The following UBR1 variants were observed in gnomAD, a reference collection of about 807,000 sequenced individuals.
The protein encoded by UBR1 is E3 ubiquitin-protein ligase UBR1.
A neutral mutation model predicts 242.1 loss-of-function variants in UBR1; 102 were observed. The observed-to-expected ratio is 0.42, with a 90% CI of 0.36 to 0.50. UBR1 has a LOEUF of 0.50. UBR1 is among the 20% of genes least tolerant of loss of function. UBR1 has a pLI of 0.01. For missense variants in UBR1, 1,772 were observed against 2,101.8 expected (o/e 0.84, Z 3.07); for synonymous variants, 675 against 684.8 (o/e 0.99, Z 0.22).
chr15:43,093,503 A>G (rs1596141589), intron 1 of UBR1, among the ~76,000 whole-genome samples: 1 of 152,194 alleles, frequency 6.6e-6, no homozygotes, highest in Admixed American at 6.5e-5. Context: ...TACAGCAACC[A>G]GGCACAATGG....
At chr15:43,077,138 CGTCT>C (rs2033915391) in intron 3 of UBR1, among the ~76,000 whole-genome samples, 1 of 140,654 alleles carries the variant, frequency 7.1e-6, no homozygotes, top group South Asian at 2.5e-4. Flanking sequence ...GCCACGACCC[CGTCT>C]GGGAGGTGTG....
At chr15:43,062,954 T>C (rs2033706540) in intron 6 of UBR1, among the ~76,000 whole-genome samples, 1 of 152,152 alleles carries the variant, frequency 6.6e-6, no homozygotes, top group Non-Finnish European at 1.5e-5. Context: ...TTTATCCTCA[T>C]ACTATAGCTG....
Position 43,047,226 on chromosome 15 carries a change from C to T in UBR1, c.1603G>A (p.Ala535Thr). ...TTCAATTGCATCTGTATAGCAATGG[C>T]AGCCTCCCAATCAGGATCCACTTCA... ...HIEVDPDWEA[A>T]IAIQMQLKNI... is the part of the protein sequence containing the mutation. Residue 535 changes from alanine (A) to threonine (T), a missense_variant, in exon 14 of 47, where the codon GCC becomes ACC. Physicochemically the swap from Ala to Thr is moderately conservative, Grantham distance 58 (BLOSUM62 0). This residue lies in a region of UBR1 where 734 missense variants were observed against 893.3 expected (regional missense o/e 0.82). Coordinates refer to ENST00000290650, the MANE Select transcript of UBR1 (RefSeq NM_174916.3). The T allele has an allele frequency of 6.2e-7, 1 of 1,614,164 alleles. No homozygotes were observed. The highest frequency in any genetic ancestry group is 8.5e-7 in the Non-Finnish European group (1 of 1,180,018).
chr15:43,044,826 C>A (rs147293088), intron 14 of UBR1, among the ~76,000 whole-genome samples: 1 of 151,996 alleles, frequency 6.6e-6, no homozygotes, highest in Non-Finnish European at 1.5e-5. Flanking sequence ...ACCCAGGAGG[C>A]GGAGGTTGCA....
rs79203884 is a variant in UBR1, at chr15:43,013,636, C to T, written c.3209+2052G>A. Among the ~76,000 whole-genome samples the T allele has an allele frequency of 5.8e-3, 889 of 152,174 alleles. 10 individuals carry two copies. The highest frequency in any genetic ancestry group is 0.02 in the African/African-American group (844 of 41,486). ...AAAAGTGCTAATGCACACAAAATAA[C>T]GGGTTGGTTATCTTTTTGTGCATAA... On this transcript the variant is annotated intron_variant, in intron 29 of 46. Coordinates refer to ENST00000290650, the MANE Select transcript of UBR1 (RefSeq NM_174916.3).
At chr15:43,055,684 G>C (rs1567138405) in intron 11 of UBR1, among the ~76,000 whole-genome samples, 1 of 152,132 alleles carries the variant, frequency 6.6e-6, no homozygotes, top group South Asian at 2.1e-4. Flanking sequence ...GGAGGCTAAG[G>C]CTGGCAGATC....
At chr15:42,980,552 T>C (rs2032359936) in intron 37 of UBR1, among the ~76,000 whole-genome samples, 2 of 152,316 alleles carry the variant, frequency 1.3e-5, no homozygotes, top group South Asian at 2.1e-4. Context: ...GGACAAGGCA[T>C]AGCACATGGC....
Position 43,007,376 on chromosome 15 carries a change from A to G in UBR1, c.3210-92T>C, listed in dbSNP as rs80350165. On this transcript the variant is annotated intron_variant, in intron 29 of 46. Transcript: ENST00000290650. Reference sequence around the variant, plus strand: ...TTTTAAGTAACTATAGGCAAGAAATATAAGAAAGATAATAAAAATAAAAAT... The same window carrying G: ...TTTTAAGTAACTATAGGCAAGAAATGTAAGAAAGATAATAAAAATAAAAAT... The G allele has an allele frequency of 7.7e-3, 7,976 of 1,037,372 alleles. 454 individuals carry two copies. In the Admixed American group the frequency reaches 0.11, roughly 15 times the overall value. The allele number at this position is 1,037,372 out of a possible 1,614,324, so 64.3% of individuals were successfully genotyped here.
chr15:43,076,241 C>A (rs1246423976), intron 3 of UBR1, among the ~76,000 whole-genome samples: 1 of 151,908 alleles, frequency 6.6e-6, no homozygotes, highest in African/African-American at 2.4e-5. Flanking sequence ...CTCGGCCTCC[C>A]GAGGCGCCGG....
intron 33 of UBR1, among the ~76,000 whole-genome samples, chr15:42,994,416 C>T (rs1408950984): frequency 6.9e-6 from 1 of 145,102 alleles, no homozygotes; most frequent in Non-Finnish European, 1.5e-5. Context: ...AATCCGTGGG[C>T]ATTTGATAAA....
chr15:43,091,420 A>C (rs1322483348), intron 1 of UBR1, among the ~76,000 whole-genome samples: 1 of 152,202 alleles, frequency 6.6e-6, no homozygotes, highest in Non-Finnish European at 1.5e-5. Flanking sequence ...CCAAAATCTG[A>C]AAAAATCCAA....
intron 2 of UBR1, among the ~76,000 whole-genome samples, chr15:43,084,865 C>G (rs748209265): frequency 5.9e-5 from 9 of 152,190 alleles, no homozygotes; most frequent in Non-Finnish European, 8.8e-5. Flanking sequence ...GAAGTAAAAA[C>G]AATTCTCTGT....
intron 29 of UBR1, among the ~76,000 whole-genome samples, chr15:43,009,908 G>A (rs914827168): frequency 1.3e-5 from 2 of 152,180 alleles, no homozygotes; most frequent in Non-Finnish European, 2.9e-5. Context: ...GTCTTGCACT[G>A]TTGCCGGGCT....
chr15:43,087,404 CA>C (rs1055628929), intron 1 of UBR1, among the ~76,000 whole-genome samples: 7 of 142,296 alleles, frequency 4.9e-5, no homozygotes, highest in African/African-American at 7.8e-5. Flanking sequence ...GACTCCAACT[CA>C]AAAAAAAAAT....
chr15:43,013,945 T>G (rs557642152), intron 29 of UBR1, among the ~76,000 whole-genome samples: 168 of 151,260 alleles, frequency 1.1e-3, no homozygotes, highest in African/African-American at 3.6e-3. Flanking sequence ...GAAGCTGGAC[T>G]GTACTGCTGC....
chr15:43,070,862 T>A lies in UBR1; in HGVS notation c.592A>T (p.Ile198Leu). 6.2e-7 allele frequency: 1 copy of A among 1,613,892 alleles called. No individual in the cohort carries two copies. Among genetic ancestry groups the A allele is most frequent in the Non-Finnish European group, 8.5e-7 (1 of 1,179,978 alleles). ...ATAGTCATTTCTACGACATATTTTA[T>A]CACTGAAGGAAATATTTTCCTGGCT... is the stretch of plus-strand genomic sequence containing the variant. ...VQARKIFPSV[I>L]KYVVEMTIWE... Residue 198 changes from isoleucine to leucine, a missense_variant, in exon 5 of 47, where the codon ATA (isoleucine) becomes TTA (leucine). Transcript: ENST00000290650.
At chr15:42,969,361 T>C (rs2032164937) in intron 40 of UBR1, among the ~76,000 whole-genome samples, 1 of 152,128 alleles carries the variant, frequency 6.6e-6, no homozygotes, top group East Asian at 1.9e-4. Flanking sequence ...TCTGATAGAG[T>C]TGTTTGCTTT....
At chr15:43,013,544 T>C (rs573620910) in intron 29 of UBR1, among the ~76,000 whole-genome samples, 4 of 152,330 alleles carry the variant, frequency 2.6e-5, no homozygotes, top group African/African-American at 9.6e-5. Context: ...AATAATGTAA[T>C]AACTGCAGTC....
chr15:43,054,600 G>A, intron 12 of UBR1, 142 bp downstream of exon 12: 1 of 925,832 alleles, frequency 1.1e-6, no homozygotes, highest in East Asian at 2.4e-5. Context: ...ATTAACGCGA[G>A]GCAGTAACAG....
Sources: allele counts gnomAD v4.1 joint callset (sites outside exome capture counted in the v4.1 genomes callset), GRCh38; gene constraint gnomAD v4.1.1; regional missense constraint gnomAD v4.1.1; transcripts MANE v1.5; gene names NCBI Gene and HGNC (gene_info 2026-07-23, HGNC 2026-07-21).